SGCZ: variants seen among roughly 807,000 people sequenced by gnomAD.
The protein encoded by SGCZ is zeta-sarcoglycan.
In SGCZ, 40 loss-of-function variants were observed where a neutral mutation model predicts 41.3. The observed-to-expected ratio is 0.97, with a 90% CI of 0.75 to 1.26. The LOEUF (loss-of-function observed/expected upper bound fraction) is 1.26, where lower values mean the gene tolerates loss of function less well. SGCZ is among the 50% of genes most tolerant of loss of function. The pLI, the probability that SGCZ is intolerant of heterozygous loss-of-function variation, is 0.00. For synonymous variants in SGCZ, 206 were observed against 137.5 expected, an observed-to-expected ratio of 1.50 and a Z score of -3.49; for missense variants, 552 against 369.8, an observed-to-expected ratio of 1.49 and a Z score of -4.04.
chr8:14,414,879 A>G (rs546302763), intron 2 of SGCZ, among the ~76,000 whole-genome samples: 68 of 152,096 alleles, frequency 4.5e-4, no homozygotes, highest in Middle Eastern at 3.4e-3. Context: ...TTTTAATGTG[A>G]GTGGTAACCT....
chr8:14,765,457 A>G (rs993630159), intron 1 of SGCZ, among the ~76,000 whole-genome samples: 1 of 152,176 alleles, frequency 6.6e-6, no homozygotes, highest in African/African-American at 2.4e-5. Context: ...GGCCTGAAAC[A>G]TAATTTAATT....
At chr8:14,150,070 T>C (rs73213558) in intron 5 of SGCZ, among the ~76,000 whole-genome samples, 18,953 of 152,110 alleles carry the variant, frequency 0.12, 1,311 homozygotes, top group Middle Eastern at 0.22. Flanking sequence ...TCTATGAAAC[T>C]ACTACAAGAA....
chr8:14,296,786 T>G (rs991196964), intron 3 of SGCZ, among the ~76,000 whole-genome samples: 12 of 151,792 alleles, frequency 7.9e-5, no homozygotes, highest in African/African-American at 2.9e-4. Context: ...GGGGGTCAAA[T>G]AAATAAAAAA....
intron 1 of SGCZ, among the ~76,000 whole-genome samples, chr8:14,963,535 A>T (rs1801035812): frequency 6.6e-6 from 1 of 151,966 alleles, no homozygotes; most frequent in African/African-American, 2.4e-5. Context: ...TTTAGTACGG[A>T]CAGGGTTTCA....
intron 1 of SGCZ, 31 bp from the exon 2 acceptor site, chr8:14,554,957 A>G: frequency 2.7e-6 from 4 of 1,497,986 alleles, no homozygotes; most frequent in Non-Finnish European, 3.6e-6. Context: ...AAAGAGAAAG[A>G]AGGAAAAAAA....
intron 1 of SGCZ, among the ~76,000 whole-genome samples, chr8:14,831,140 A>C (rs1353558058): frequency 6.6e-6 from 1 of 152,156 alleles, no homozygotes; most frequent in East Asian, 1.9e-4. Context: ...AAAAGTGTAT[A>C]TGTCCATGAT....
chr8:14,458,378 C>G (rs1026143211), intron 2 of SGCZ, among the ~76,000 whole-genome samples: 1 of 152,112 alleles, frequency 6.6e-6, no homozygotes, highest in Non-Finnish European at 1.5e-5. Context: ...AAATATTGAA[C>G]TCCAGTAAGT....
At chr8:15,179,591 A>C (rs1800103460) in intron 1 of SGCZ, among the ~76,000 whole-genome samples, 1 of 152,220 alleles carries the variant, frequency 6.6e-6, no homozygotes, top group African/African-American at 2.4e-5. Context: ...GCATTATTTC[A>C]CATTATAAAT....
intron 2 of SGCZ, among the ~76,000 whole-genome samples, chr8:14,486,662 C>A (rs1261838084): frequency 6.6e-6 from 1 of 152,178 alleles, no homozygotes; most frequent in African/African-American, 2.4e-5. Flanking sequence ...CAGTCTCAAC[C>A]TCCTGGGATC....
At chr8:15,236,712 G>A (rs1802136835) in intron 1 of SGCZ, among the ~76,000 whole-genome samples, 1 of 152,156 alleles carries the variant, frequency 6.6e-6, no homozygotes, top group African/African-American at 2.4e-5. Context: ...AGGCAGAGGT[G>A]CCCATAGGCA....
At chr8:14,171,690 G>C (rs1316454074) in intron 4 of SGCZ, among the ~76,000 whole-genome samples, 1 of 151,892 alleles carries the variant, frequency 6.6e-6, no homozygotes, top group Non-Finnish European at 1.5e-5. Flanking sequence ...TTATCAAAGA[G>C]TTTCTATCTT....
intron 1 of SGCZ, among the ~76,000 whole-genome samples, chr8:14,930,608 C>A (rs182054193): frequency 6.6e-6 from 1 of 151,802 alleles, no homozygotes; most frequent in Admixed American, 6.6e-5. Flanking sequence ...AATGATAGAC[C>A]GGATAAAGAA....
intron 2 of SGCZ, among the ~76,000 whole-genome samples, chr8:14,516,616 AT>A (rs1370860936): frequency 6.6e-6 from 1 of 152,116 alleles, no homozygotes; most frequent in East Asian, 1.9e-4. Flanking sequence ...GAATCTAGGT[AT>A]CAGGAAAATT....
At chr8:14,512,652 G>A (rs1432634691) in intron 2 of SGCZ, among the ~76,000 whole-genome samples, 1 of 151,630 alleles carries the variant, frequency 6.6e-6, no homozygotes, top group Non-Finnish European at 1.5e-5. Context: ...ATTTTGTGGA[G>A]ACTTGGTCCC....
chr8:14,561,930 T>C (rs114686621), intron 1 of SGCZ, among the ~76,000 whole-genome samples: 1,550 of 152,216 alleles, frequency 0.01, 23 homozygotes, highest in African/African-American at 0.036. Flanking sequence ...GTGTGGAAAA[T>C]CTGGTTTTCA....
chr8:14,477,486 G>A lies in SGCZ; in HGVS notation c.234+77246C>T, dbSNP rs968844569. On this transcript the variant is annotated intron_variant, in intron 2 of 7. Transcript: ENST00000382080. ...TAGTATTCTAAATGGAGTGTGGGTAGTAGAAATACCACAATTGTCTTATTT... is the reference window on the plus strand; with the variant it reads ...TAGTATTCTAAATGGAGTGTGGGTAATAGAAATACCACAATTGTCTTATTT... 3.9e-5 allele frequency among the ~76,000 whole-genome samples: 6 copies of A among 152,218 alleles called. No homozygotes were observed. In the South Asian group the frequency reaches 8.3e-4, roughly 21 times the overall value.
chr8:14,407,694 G>C (rs905138895), intron 2 of SGCZ, among the ~76,000 whole-genome samples: 1 of 152,174 alleles, frequency 6.6e-6, no homozygotes, highest in Non-Finnish European at 1.5e-5. Flanking sequence ...GAGAAAGGCT[G>C]TCAATATGAA....
intron 1 of SGCZ, among the ~76,000 whole-genome samples, chr8:15,226,594 C>A (rs1801782403): frequency 6.6e-6 from 1 of 151,058 alleles, no homozygotes. Flanking sequence ...ATCAGGCCCA[C>A]CCTTGGTGTC....
intron 1 of SGCZ, among the ~76,000 whole-genome samples, chr8:14,886,029 AT>A (rs1563339231): frequency 9.4e-5 from 11 of 117,616 alleles, no homozygotes; most frequent in Admixed American, 2.6e-4. Context: ...ATATATATAT[AT>A]ATATAAAATT....
Sources: gnomAD v4.1 joint callset for allele counts (sites outside exome capture counted in the v4.1 genomes callset) on GRCh38, gnomAD v4.1.1 for gene constraint, MANE v1.5 for transcripts, NCBI Gene and HGNC (gene_info 2026-07-23, HGNC 2026-07-21) for gene names.